Variants in KATNB1 observed in about 807,000 individuals in gnomAD.
KATNB1 encodes katanin regulatory subunit B1.
A neutral mutation model predicts 82.3 loss-of-function variants in KATNB1; 38 were observed. The observed-to-expected ratio is 0.46, with a 90% CI of 0.36 to 0.61. The LOEUF (loss-of-function observed/expected upper bound fraction) is 0.61, where lower values mean the gene tolerates loss of function less well. Ranked by LOEUF, KATNB1 falls within the 20% of genes least tolerant of loss-of-function variation. The pLI is 0.00. For synonymous variants in KATNB1, 361 were observed against 368.7 expected (o/e 0.98, Z 0.24); for missense variants, 749 against 915.7 (o/e 0.82, Z 2.35).
At chr16:57,741,840 G>T (rs782218000) in intron 3 of KATNB1, 23 bp downstream of exon 3, 3 of 1,608,534 alleles carry the variant, frequency 1.9e-6, no homozygotes, top group East Asian at 4.5e-5. Flanking sequence ...AGCTGGCGGG[G>T]GGTCAGGACA....
At chr16:57,754,040 C>G (rs111709432) in intron 13 of KATNB1, 45 bp downstream of exon 13, 2 of 1,492,352 alleles carry the variant, frequency 1.3e-6, no homozygotes, top group Non-Finnish European at 1.9e-6. Context: ...GATGCCCCCC[C>G]GTCCCTCATC....
At position 57,753,243 on chromosome 16, in the gene KATNB1, G is replaced by C. The variant is rs782686368; in HGVS notation, c.1022G>C (p.Ser341Thr). The C allele has an allele frequency of 1.9e-6, 3 of 1,601,930 alleles. No homozygotes were observed. In the Admixed American group the frequency reaches 5.0e-5, roughly 27 times the overall value. Reference sequence around the variant, plus strand: ...CTCCGGCGCATCTATGAGCGGCCCAGCACAACCTGCAGCAAGCCTCAGAGG... The same window carrying C: ...CTCCGGCGCATCTATGAGCGGCCCACCACAACCTGCAGCAAGCCTCAGAGG... Reference protein sequence around the residue: ...APLRRIYERPSTTCSKPQRVK... With the variant: ...APLRRIYERPTTTCSKPQRVK... The change falls in exon 11 of 20, where the codon AGC becomes ACC. Residue 341 changes from serine (S) to threonine (T), a missense_variant. Coordinates refer to ENST00000379661, the MANE Select transcript of KATNB1 (RefSeq NM_005886.3).
At chr16:57,743,206 T>A (rs187830253) in intron 3 of KATNB1, among the ~76,000 whole-genome samples, 2 of 152,152 alleles carry the variant, frequency 1.3e-5, no homozygotes, top group Non-Finnish European at 2.9e-5. Flanking sequence ...GGCAGGAGAA[T>A]CGCTTGAACC....
intron 13 of KATNB1, 141 bp from the exon 14 acceptor site, chr16:57,754,789 C>T: frequency 1.2e-6 from 1 of 852,072 alleles, no homozygotes; most frequent in Non-Finnish European, 1.9e-6. Context: ...TCTGGAACCC[C>T]CACGCCACTG....
At chr16:57,741,586 G>A (rs2049142245) in intron 2 of KATNB1, 101 bp from the exon 3 acceptor site, 1 of 1,290,912 alleles carries the variant, frequency 7.7e-7, no homozygotes, top group East Asian at 2.3e-5. Context: ...TCCTTCCACT[G>A]GGCTTCAGGT....
chr16:57,754,964 C>A lies in KATNB1; in HGVS notation c.1263C>A (p.Ser421Arg), dbSNP rs1647454571. 2 of 1,613,986 alleles carry A rather than the reference C, an allele frequency of 1.2e-6. No individual in the cohort carries two copies. Among genetic ancestry groups the A allele is most frequent in the Admixed American group, 1.7e-5 (1 of 60,012 alleles). ...CAGCAAAGGAGGCAGCAAAGCCCAG[C>A]CCTGCCATGGATGTGCAGTTCCCGG... Reference protein sequence around the residue: ...AATAKEAAKPSPAMDVQFPVP... With the variant: ...AATAKEAAKPRPAMDVQFPVP... The change falls in exon 14 of 20, where the codon AGC (serine) becomes AGA (arginine). Residue 421 changes from serine (S) to arginine (R), a missense_variant. Around this residue, in one of 3 missense-constraint regions of KATNB1, gnomAD observed 407 missense variants for 434.7 expected, o/e 0.94. Coordinates refer to ENST00000379661, the MANE Select transcript of KATNB1 (RefSeq NM_005886.3).
In KATNB1 at chr16:57,751,173, C is replaced by A; in HGVS notation, c.391-88C>A. 1 of 1,290,706 alleles carries A rather than the reference C, an allele frequency of 7.7e-7. No homozygotes were observed. Among genetic ancestry groups the A allele is most frequent in the Non-Finnish European group, 1.1e-6 (1 of 888,012 alleles). The allele number at this position is 1,290,706 out of a possible 1,614,324, so 80.0% of individuals were successfully genotyped here. On this transcript the variant is annotated intron_variant, in intron 5 of 19. Coordinates refer to ENST00000379661, the MANE Select transcript of KATNB1 (RefSeq NM_005886.3). The surrounding 1 kb of genome is among the most constrained non-coding windows in gnomAD (Gnocchi z 6.3). Reference sequence around the variant, plus strand: ...GTAACGACCTAGAGAAGGCTGGGCCCCACCGTCTGCTCACGACTGCACACC... The same window carrying A: ...GTAACGACCTAGAGAAGGCTGGGCCACACCGTCTGCTCACGACTGCACACC...
rs113041871 is a variant in KATNB1, at chr16:57,752,951, C to A, written c.855+23C>A. The A allele has an allele frequency of 3.7e-4, 597 of 1,599,032 alleles. 2 individuals are homozygous for A. The African/African-American group carries it at 6.9e-3, about 18-fold the overall frequency. ...TTGGTGAGAGAGCCATGGCACCCAC[C>A]GCCCCCCACTCCCACAGGGCCACCC... On this transcript the variant is annotated intron_variant, in intron 10 of 19. Coordinates refer to ENST00000379661, the MANE Select transcript of KATNB1 (RefSeq NM_005886.3).
Position 57,737,110 on chromosome 16 carries a change from C to G in KATNB1, c.-134C>G, listed in dbSNP as rs1162410352. ...GGCACCCCAGGGCCAGAAGACGAGG[C>G]ATTCTGTCTGCCTGGATGTGTGGGA... On this transcript the variant is annotated 5_prime_UTR_variant, in exon 2 of 20. Transcript: ENST00000379661. The G allele has an allele frequency of 9.1e-7, 1 of 1,096,194 alleles. No individual in the cohort carries two copies. The highest frequency in any genetic ancestry group is 1.4e-6 in the Non-Finnish European group (1 of 737,456). 67.9% of individuals were successfully genotyped at this position (1,096,194 alleles called of 1,614,324 possible). A position where few individuals can be genotyped will look rare whatever the true frequency, so the allele number is the denominator to read the frequency against.
rs874993 is a variant in KATNB1 at position 57,736,820 on chromosome 16, C to T, written c.-266-158C>T. 0.037 allele frequency: 14,097 copies of T among 380,922 alleles called. 1,101 individuals are homozygous for T. The highest frequency in any genetic ancestry group is 0.25 in the East Asian group (3,805 of 14,994). The allele number at this position is 380,922 out of a possible 1,614,324, so 23.6% of individuals were successfully genotyped here. ...GTTCCAAATCACCCTACCTGAGGTG[C>T]CCCCTCTGCAGATTCCCAAACCTAA... On this transcript the variant is annotated intron_variant, in intron 1 of 19. Coordinates refer to ENST00000379661, the MANE Select transcript of KATNB1 (RefSeq NM_005886.3).
At chr16:57,742,139 T>C (rs1555579880) in intron 3 of KATNB1, among the ~76,000 whole-genome samples, 1 of 152,212 alleles carries the variant, frequency 6.6e-6, no homozygotes, top group African/African-American at 2.4e-5. Context: ...GCCCTGGGCC[T>C]GTGGTTGAGC....
intron 4 of KATNB1, among the ~76,000 whole-genome samples, chr16:57,745,062 A>G (rs868917664): frequency 6.6e-6 from 1 of 152,264 alleles, no homozygotes; most frequent in South Asian, 2.1e-4. Context: ...AAATACCAGT[A>G]TTTCTACAAT....
chr16:57,744,718 G>GT (rs1567897898), intron 4 of KATNB1, among the ~76,000 whole-genome samples: 9 of 150,284 alleles, frequency 6.0e-5, no homozygotes, highest in Non-Finnish European at 1.3e-4. Context: ...GGGATGTGCG[G>GT]GTGTGTGTGT....
chr16:57,755,701 C>A, intron 16 of KATNB1, 140 bp from the exon 17 acceptor site: 1 of 981,928 alleles, frequency 1.0e-6, no homozygotes, highest in Non-Finnish European at 1.5e-6. Flanking sequence ...CCTGGCCTTA[C>A]ACTCATTGCG....
intron 1 of KATNB1, 49 bp downstream of exon 1, chr16:57,735,904 C>G (rs1325340201): frequency 6.6e-6 from 1 of 152,488 alleles, no homozygotes; most frequent in Non-Finnish European, 1.5e-5. Context: ...GGGCCCTGGG[C>G]TGGGCCGAGC....
rs2049248757 is a variant in KATNB1 at position 57,753,483 on chromosome 16, G to T, written c.1141G>T (p.Asp381Tyr). ...CCGCGCGGAGATCCAGAACGCCGAG[G>T]ACTACAACGAGATCTTCCAGCCCAA... is the stretch of plus-strand genomic sequence containing the variant. ...ESRAEIQNAE[D>Y]YNEIFQPKNS... is the part of the protein sequence containing the mutation. The change falls in exon 12 of 20, where the codon GAC (aspartate) becomes TAC (tyrosine). Residue 381 changes from aspartate to tyrosine, a missense_variant. Asp to Tyr is a radical substitution (Grantham distance 160, BLOSUM62 -3). Around this residue, in one of 3 missense-constraint regions of KATNB1, gnomAD observed 407 missense variants for 434.7 expected, o/e 0.94. Coordinates refer to ENST00000379661, the MANE Select transcript of KATNB1 (RefSeq NM_005886.3). 7 of 1,613,218 alleles carry T rather than the reference G, an allele frequency of 4.3e-6. No homozygotes were observed. The highest frequency in any genetic ancestry group is 5.9e-6 in the Non-Finnish European group (7 of 1,179,932).
intron 11 of KATNB1, 40 bp downstream of exon 11, chr16:57,753,307 C>G: frequency 1.3e-6 from 2 of 1,579,392 alleles, no homozygotes; most frequent in South Asian, 2.3e-5. Flanking sequence ...AGGAGAGGGA[C>G]TGTCACAGGG....
At chr16:57,753,002 T>G (rs1277747817) in intron 10 of KATNB1, 74 bp downstream of exon 10, 11 of 1,582,746 alleles carry the variant, frequency 6.9e-6, no homozygotes, top group Admixed American at 1.7e-5. Flanking sequence ...AGGCCCCTCC[T>G]CCTACCCCCA....
chr16:57,746,086 G>A (rs2049182225), intron 4 of KATNB1, among the ~76,000 whole-genome samples: 1 of 152,176 alleles, frequency 6.6e-6, no homozygotes, highest in African/African-American at 2.4e-5. Flanking sequence ...AGCTTTCTGA[G>A]AAAATGTGCT....
Sources: allele counts gnomAD v4.1 joint callset (sites outside exome capture counted in the v4.1 genomes callset), GRCh38; gene constraint gnomAD v4.1.1; regional missense constraint gnomAD v4.1.1; non-coding constraint Gnocchi (gnomAD v3.1); transcripts MANE v1.5; gene names NCBI Gene and HGNC (gene_info 2026-07-23, HGNC 2026-07-21).